Variants in CPXM2 observed in about 807,000 individuals in gnomAD.
CPXM2 encodes the protein inactive carboxypeptidase-like protein X2.
CPXM2 carries 66 observed loss-of-function variants against 86.1 expected under a neutral mutation model. The observed-to-expected ratio is 0.77, with a 90% CI of 0.63 to 0.94. The LOEUF (loss-of-function observed/expected upper bound fraction) is 0.94. CPXM2 is among the 40% of genes least tolerant of loss of function. The pLI is 0.00. For missense variants in CPXM2, 948 were observed against 1,026.3 expected (o/e 0.92, Z 1.04); for synonymous variants, 388 against 400.2 (o/e 0.97, Z 0.36).
At chr10:123,784,666 T>C (rs1030287830) in intron 6 of CPXM2, among the ~76,000 whole-genome samples, 1 of 152,242 alleles carries the variant, frequency 6.6e-6, no homozygotes, top group African/African-American at 2.4e-5. Context: ...ATGTAAATTC[T>C]TGGGAGCCCT....
intron 1 of CPXM2, among the ~76,000 whole-genome samples, chr10:123,881,078 C>A (rs1395274658): frequency 6.6e-6 from 1 of 151,758 alleles, no homozygotes; most frequent in Admixed American, 6.6e-5. Context: ...CCTGAGACAC[C>A]TGCCTGCCAT....
At chr10:123,897,850 C>T (rs1945350084) in intron 2 of CPXM2, among the ~76,000 whole-genome samples, 1 of 152,240 alleles carries the variant, frequency 6.6e-6, no homozygotes. Context: ...GCCACATGGG[C>T]AGGGCTGCCA....
At chr10:123,916,111 G>A (rs959938150) in intron 2 of CPXM2, among the ~76,000 whole-genome samples, 10 of 152,100 alleles carry the variant, frequency 6.6e-5, no homozygotes, top group Non-Finnish European at 1.2e-4. Flanking sequence ...AAATACCTGT[G>A]CAAACCCAAA....
intron 1 of CPXM2, among the ~76,000 whole-genome samples, chr10:123,890,991 T>G (rs1430955757): frequency 6.6e-6 from 1 of 152,112 alleles, no homozygotes; most frequent in African/African-American, 2.4e-5. Flanking sequence ...TCAGCCGCAT[T>G]TGAGGATTGA....
chr10:123,786,469 C>T (rs1169103729), intron 6 of CPXM2, among the ~76,000 whole-genome samples: 1 of 152,202 alleles, frequency 6.6e-6, no homozygotes, highest in East Asian at 1.9e-4. Flanking sequence ...CAGACACTGA[C>T]CCCATACCTG....
intron 2 of CPXM2, among the ~76,000 whole-genome samples, chr10:123,878,486 G>A (rs1024921867): frequency 2.0e-4 from 30 of 147,334 alleles, no homozygotes; most frequent in African/African-American, 6.8e-4. Flanking sequence ...ACCCATGGCA[G>A]AAAAGGAGGC....
intron 3 of CPXM2, among the ~76,000 whole-genome samples, chr10:123,853,315 G>T (rs1468008601): frequency 6.6e-6 from 1 of 152,160 alleles, no homozygotes; most frequent in African/African-American, 2.4e-5. Flanking sequence ...AGTCTCAGCC[G>T]TTTCTTTATA....
intron 1 of CPXM2, 106 bp from the exon 2 acceptor site, chr10:123,880,415 G>T: frequency 1.5e-6 from 1 of 669,482 alleles, no homozygotes. Flanking sequence ...CTCCCCTTCT[G>T]CTCCCCTGTC....
intron 4 of CPXM2, among the ~76,000 whole-genome samples, chr10:123,823,333 A>T (rs568003452): frequency 1.2e-4 from 18 of 152,286 alleles, no homozygotes; most frequent in African/African-American, 3.6e-4. Flanking sequence ...TGGCTCCAGG[A>T]GGGATATCTC....
Position 123,891,709 on chromosome 10 carries a change from G to T in CPXM2, c.-50C>A. 7.8e-7 allele frequency: 1 copy of T among 1,284,638 alleles called. No individual in the cohort carries two copies. Among genetic ancestry groups the T allele is most frequent in the South Asian group, 2.3e-5 (1 of 42,652 alleles). The allele number at this position is 1,284,638 out of a possible 1,614,324, so 79.6% of individuals were successfully genotyped here. A position where few individuals can be genotyped will look rare whatever the true frequency, so the allele number is the denominator to read the frequency against. ...CAGGGTCACGGTCACCGGGGGCGCC[G>T]GGCGGGCTGCGGGCGCAGAAGCTGG... On this transcript the variant is annotated 5_prime_UTR_variant, in exon 1 of 14. Transcript: ENST00000241305. The surrounding 1 kb of genome is among the most constrained non-coding windows in gnomAD (Gnocchi z 5.6).
chr10:123,850,979 C>A (rs1431897359), intron 3 of CPXM2, among the ~76,000 whole-genome samples: 3 of 152,216 alleles, frequency 2.0e-5, no homozygotes, highest in Admixed American at 6.5e-5. Flanking sequence ...TTTATGAACG[C>A]TTCCATTGCC....
At chr10:123,904,329 G>T (rs541778306) in intron 2 of CPXM2, among the ~76,000 whole-genome samples, 2 of 152,244 alleles carry the variant, frequency 1.3e-5, no homozygotes, top group Non-Finnish European at 1.5e-5. Flanking sequence ...ACACGCAGGC[G>T]CAGTGGGTAA....
chr10:123,902,365 G>T (rs1945391010), intron 2 of CPXM2, among the ~76,000 whole-genome samples: 1 of 152,170 alleles, frequency 6.6e-6, no homozygotes, highest in Non-Finnish European at 1.5e-5. Context: ...CAGAGTGGGG[G>T]AATCCTGTCC....
chr10:123,757,408 G>A, intron 11 of CPXM2, 56 bp from the exon 12 acceptor site: 1 of 1,487,142 alleles, frequency 6.7e-7, no homozygotes, highest in Non-Finnish European at 9.4e-7. Context: ...TGGCACTGGG[G>A]AATGCGGCAC....
intron 10 of CPXM2, among the ~76,000 whole-genome samples, chr10:123,766,585 G>C (rs1179212016): frequency 6.6e-6 from 1 of 152,142 alleles, no homozygotes; most frequent in Non-Finnish European, 1.5e-5. Flanking sequence ...ACCACATGTA[G>C]TAAACCCAAG....
chr10:123,768,685 G>A lies in CPXM2; in HGVS notation c.1140C>T (p.Gly380=). The part of the protein sequence containing the change: ...PEFHYIAGAH[G]NEVLGRELLL... ...GCAGCTCCCGGCCCAGCACCTCATT[G>A]CCGTGGGCCCCCGCGATGTAGTGGA... The change falls in exon 9 of 14, where the codon GGC becomes GGT. Residue 380 remains glycine (G), a synonymous_variant. Transcript: ENST00000241305. 1 of 1,611,924 alleles carries A rather than the reference G, an allele frequency of 6.2e-7. No individual in the cohort carries two copies.
At position 123,794,076 on chromosome 10, in the gene CPXM2, T is replaced by C. The variant is rs112202801; in HGVS notation, c.889+3900A>G. 1.7e-3 allele frequency among the ~76,000 whole-genome samples: 264 copies of C among 152,268 alleles called. 3 individuals carry two copies. The highest frequency in any genetic ancestry group is 6.1e-3 in the African/African-American group (252 of 41,560). ...GTGCGTATCAGGAGGAAGGATACAGTGTGTCACCTGCTCTTGGCCGACTTG... is the reference window on the plus strand; with the variant it reads ...GTGCGTATCAGGAGGAAGGATACAGCGTGTCACCTGCTCTTGGCCGACTTG... On this transcript the variant is annotated intron_variant, in intron 6 of 13. Coordinates refer to ENST00000241305, the MANE Select transcript of CPXM2 (RefSeq NM_198148.3).
chr10:123,938,754 T>C (rs1945746371), intron 2 of CPXM2, among the ~76,000 whole-genome samples: 1 of 152,158 alleles, frequency 6.6e-6, no homozygotes, highest in Non-Finnish European at 1.5e-5. Flanking sequence ...TACGCTCTGG[T>C]CTATGGTGAG....
chr10:123,943,785 C>A (rs188767032), upstream of CPXM2, among the ~76,000 whole-genome samples: 29 of 152,334 alleles, frequency 1.9e-4, no homozygotes, highest in Non-Finnish European at 3.4e-4. Context: ...CCTGCAAAGA[C>A]AAACACAGTC....
Sources: allele counts gnomAD v4.1 joint callset (sites outside exome capture counted in the v4.1 genomes callset), GRCh38; gene constraint gnomAD v4.1.1; non-coding constraint Gnocchi (gnomAD v3.1); transcripts MANE v1.5; gene names NCBI Gene and HGNC (gene_info 2026-07-23, HGNC 2026-07-21).